ITPR2: variants seen among roughly 807,000 people sequenced by gnomAD.
ITPR2 encodes inositol 1,4,5-trisphosphate-gated calcium channel ITPR2.
In ITPR2, 207 loss-of-function variants were observed where a neutral mutation model predicts 317.1. The observed-to-expected ratio is 0.65, with a 90% CI of 0.58 to 0.73. ITPR2 has a LOEUF of 0.73. ITPR2 is among the 30% of genes least tolerant of loss of function. ITPR2 has a pLI of 0.00. For synonymous variants in ITPR2, 1,156 were observed against 1,149.1 expected (o/e 1.01, Z -0.12); for missense variants, 2,613 against 3,284.0 (o/e 0.80, Z 4.99).
chr12:26,595,388 A>C, intron 32 of ITPR2, 77 bp downstream of exon 32: 1 of 1,385,912 alleles, frequency 7.2e-7, no homozygotes, highest in Non-Finnish European at 9.9e-7. Context: ...ATTTAACTGC[A>C]AGTTTTCATC....
chr12:26,342,409 G>A (rs1406424263), intron 55 of ITPR2, among the ~76,000 whole-genome samples: 1 of 149,508 alleles, frequency 6.7e-6, no homozygotes, highest in Non-Finnish European at 1.5e-5. Context: ...GTTTAGATAT[G>A]GTTTGTCTGC....
At chr12:26,423,898 G>C (rs1037881202) in intron 49 of ITPR2, among the ~76,000 whole-genome samples, 5 of 152,238 alleles carry the variant, frequency 3.3e-5, no homozygotes, top group Admixed American at 2.6e-4. Flanking sequence ...CCAACTCCTA[G>C]TTTTAGAAAT....
intron 26 of ITPR2, among the ~76,000 whole-genome samples, chr12:26,607,331 C>T (rs1946155827): frequency 6.6e-6 from 1 of 152,096 alleles, no homozygotes; most frequent in African/African-American, 2.4e-5. Flanking sequence ...TTTTAATAAC[C>T]GGTCTTTTAT....
At chr12:26,782,912 G>A (rs1950121928) in intron 2 of ITPR2, among the ~76,000 whole-genome samples, 1 of 152,160 alleles carries the variant, frequency 6.6e-6, no homozygotes, top group South Asian at 2.1e-4. Flanking sequence ...TTCATCATGG[G>A]CTGAGAGTGC....
chr12:26,356,525 CACAAGGTGTTGG>C (rs779211062), intron 55 of ITPR2, among the ~76,000 whole-genome samples: 11 of 152,160 alleles, frequency 7.2e-5, no homozygotes, highest in Non-Finnish European at 1.6e-4. Flanking sequence ...ACACAAAAGG[CACAAGGTGTTGG>C]TGAACAGGAA....
chr12:26,404,186 G>A (rs1940272489), intron 52 of ITPR2, among the ~76,000 whole-genome samples: 1 of 152,170 alleles, frequency 6.6e-6, no homozygotes, highest in South Asian at 2.1e-4. Flanking sequence ...TGAATGAAAG[G>A]AAGCTGACAG....
At chr12:26,714,626 G>A (rs1948705674) in intron 8 of ITPR2, among the ~76,000 whole-genome samples, 1 of 152,144 alleles carries the variant, frequency 6.6e-6, no homozygotes, top group African/African-American at 2.4e-5. Flanking sequence ...TTGGGGGCAG[G>A]TGAAGAATTT....
intron 13 of ITPR2, among the ~76,000 whole-genome samples, chr12:26,672,816 GA>G: frequency 6.6e-6 from 1 of 151,606 alleles, no homozygotes; most frequent in Middle Eastern, 3.4e-3. Context: ...GACTAATAAA[GA>G]AAAAAAGAGA....
intron 49 of ITPR2, among the ~76,000 whole-genome samples, chr12:26,427,018 T>C (rs1941080796): frequency 1.3e-5 from 2 of 152,020 alleles, no homozygotes; most frequent in South Asian, 4.1e-4. Flanking sequence ...AATTTATTTA[T>C]TTAGGAAATA....
At chr12:26,366,987 C>T (rs1939032720) in intron 55 of ITPR2, among the ~76,000 whole-genome samples, 1 of 152,026 alleles carries the variant, frequency 6.6e-6, no homozygotes, top group South Asian at 2.1e-4. Context: ...TATTCAAAAC[C>T]TCAACTTCTC....
At chr12:26,513,117 C>T (rs776420652) in intron 37 of ITPR2, among the ~76,000 whole-genome samples, 18 of 151,878 alleles carry the variant, frequency 1.2e-4, no homozygotes, top group Non-Finnish European at 2.4e-4. Flanking sequence ...CTGGGATTAC[C>T]GGTGTGAGCC....
At chr12:26,825,366 G>GTGAATTTTATATATAGTGATTTA (rs1950993920) in intron 1 of ITPR2, among the ~76,000 whole-genome samples, 1 of 152,108 alleles carries the variant, frequency 6.6e-6, no homozygotes, top group African/African-American at 2.4e-5. Flanking sequence ...TGTTATTATA[G>GTGAATTTTATATATAGTGATTTA]CATAAATCGG....
chr12:26,561,917 C>T lies in ITPR2; in HGVS notation c.4666G>A (p.Asp1556Asn), dbSNP rs1944831703. The T allele has an allele frequency of 3.3e-6, 5 of 1,537,798 alleles. No homozygotes were observed. Among genetic ancestry groups the T allele is most frequent in the Non-Finnish European group, 4.3e-6 (5 of 1,152,584 alleles). The change falls in exon 35 of 57, where the codon GAC becomes AAC. Residue 1556 changes from aspartate (D) to asparagine (N), a missense_variant. This residue lies in a region of ITPR2 where 926 missense variants were observed against 1,072.8 expected (regional missense o/e 0.86). Coordinates refer to ENST00000381340, the MANE Select transcript of ITPR2 (RefSeq NM_002223.4). Reference protein sequence around the residue: ...NRGIAIPVDLDSQVNTLFMKS... With the variant: ...NRGIAIPVDLNSQVNTLFMKS... ...ATGAAAAGAGTATTAACTTGGCTGT[C>T]CAAATCCACTGGAATGGCAATTCCA...
intron 45 of ITPR2, among the ~76,000 whole-genome samples, chr12:26,463,786 G>A (rs1942102324): frequency 6.6e-6 from 1 of 152,066 alleles, no homozygotes; most frequent in Admixed American, 6.5e-5. Context: ...TACGTAATTA[G>A]TCTTTGGTAC....
intron 45 of ITPR2, among the ~76,000 whole-genome samples, chr12:26,474,621 G>A (rs1388803231): frequency 6.6e-6 from 1 of 151,366 alleles, no homozygotes; most frequent in Non-Finnish European, 1.5e-5. Flanking sequence ...GTGAAACCCC[G>A]TCTCTACTAA....
intron 55 of ITPR2, among the ~76,000 whole-genome samples, chr12:26,344,174 G>A (rs1257937573): frequency 6.6e-6 from 1 of 152,120 alleles, no homozygotes; most frequent in African/African-American, 2.4e-5. Flanking sequence ...AGAACTGTGA[G>A]CCAATAAATT....
At chr12:26,399,932 G>C (rs1940118564) in intron 53 of ITPR2, among the ~76,000 whole-genome samples, 196 bp downstream of exon 53, 1 of 152,122 alleles carries the variant, frequency 6.6e-6, no homozygotes, top group African/African-American at 2.4e-5. Context: ...ACCACTCTAC[G>C]AACACACAAA....
At chr12:26,625,723 T>C (rs1946608302) in intron 23 of ITPR2, among the ~76,000 whole-genome samples, 1 of 152,064 alleles carries the variant, frequency 6.6e-6, no homozygotes. Context: ...TTTAAATGAG[T>C]GATAAATGGG....
rs370610039 is a variant in ITPR2, at chr12:26,443,604, G to A, written c.6389C>T (p.Ser2130Leu). Residue 2130 changes from serine (S) to leucine (L), a missense_variant, in exon 46 of 57, where the codon TCG (serine) becomes TTG (leucine). Around this residue, in one of 9 missense-constraint regions of ITPR2, gnomAD observed 926 missense variants for 1,072.8 expected, o/e 0.86. Transcript: ENST00000381340. The part of the protein sequence containing the change: ...KLLQQMLKPG[S>L]DPDEGDEALK... ...GGCTTCATCTCCTTCATCTGGATCC[G>A]ATCCTGGTTTGAGCATCTGCTGCAA... 107 of 1,612,978 alleles carry A rather than the reference G, an allele frequency of 6.6e-5. No individual in the cohort carries two copies. In the Middle Eastern group the frequency reaches 1.5e-3, roughly 22 times the overall value.
Sources: allele counts gnomAD v4.1 joint callset (sites outside exome capture counted in the v4.1 genomes callset), GRCh38; gene constraint gnomAD v4.1.1; regional missense constraint gnomAD v4.1.1; transcripts MANE v1.5; gene names NCBI Gene and HGNC (gene_info 2026-07-23, HGNC 2026-07-21).